The following DIAPH2 variants were observed in gnomAD, a reference collection of about 807,000 sequenced individuals.
The protein encoded by DIAPH2 is protein diaphanous homolog 2.
In DIAPH2, 35 loss-of-function variants were observed where a neutral mutation model predicts 92.7. The observed-to-expected ratio is 0.38, with a 90% CI of 0.29 to 0.50. The LOEUF (loss-of-function observed/expected upper bound fraction) is 0.50, where lower values mean the gene tolerates loss of function less well. DIAPH2 is among the 20% of genes least tolerant of loss of function. DIAPH2 has a pLI of 0.94. For synonymous variants in DIAPH2, 301 were observed against 280.4 expected, an observed-to-expected ratio of 1.07 and a Z score of -0.73; for missense variants, 701 against 819.5, an observed-to-expected ratio of 0.86 and a Z score of 1.77.
chrX:97,009,213 G>A (rs2066207093), intron 17 of DIAPH2, among the ~76,000 whole-genome samples: 2 of 111,023 alleles, frequency 1.8e-5, no homozygotes, highest in African/African-American at 6.5e-5. Flanking sequence ...CACCACCCCA[G>A]GCCTGCAGCA....
At chrX:97,228,573 T>C (rs1358969325) in intron 22 of DIAPH2, among the ~76,000 whole-genome samples, 2 of 111,697 alleles carry the variant, frequency 1.8e-5, no homozygotes, top group South Asian at 3.8e-4. Context: ...AATATTCTTC[T>C]AATGGAGAAA....
intron 23 of DIAPH2, among the ~76,000 whole-genome samples, chrX:97,302,048 A>G (rs1237968476): frequency 4.7e-5 from 5 of 106,223 alleles, no homozygotes; most frequent in Non-Finnish European, 7.7e-5. Context: ...CCCCATCTCT[A>G]CTAAAAATAC....
intron 4 of DIAPH2, among the ~76,000 whole-genome samples, chrX:96,843,881 T>C (rs1263224405): frequency 1.8e-5 from 2 of 111,741 alleles, no homozygotes; most frequent in Non-Finnish European, 3.8e-5. Context: ...TGAAAGCTTT[T>C]AGTAATTAGC....
chrX:96,884,815 G>T, intron 5 of DIAPH2: 1 of 1,211,288 alleles, frequency 8.3e-7, no homozygotes, highest in Non-Finnish European at 1.1e-6. Context: ...CATGATGCTG[G>T]ATAAAGCCCG....
chrX:96,918,426 A>G, intron 8 of DIAPH2, 83 bp from the exon 9 acceptor site: 1 of 570,114 alleles, frequency 1.8e-6, no homozygotes, highest in African/African-American at 2.3e-5. Context: ...CAGAAAGAAA[A>G]CAGGGAATAC....
intron 4 of DIAPH2, among the ~76,000 whole-genome samples, chrX:96,850,148 G>A (rs2064998133): frequency 9.0e-6 from 1 of 111,028 alleles, no homozygotes; most frequent in Non-Finnish European, 1.9e-5. Flanking sequence ...AAACCCCACT[G>A]GACCAAATCC....
At chrX:97,529,702 A>C (rs2071047185) in intron 26 of DIAPH2, among the ~76,000 whole-genome samples, 1 of 112,187 alleles carries the variant, frequency 8.9e-6, no homozygotes, top group Non-Finnish European at 1.9e-5. Flanking sequence ...CTAAACTGAT[A>C]TAGAAAGATG....
In DIAPH2 at chrX:97,600,598, A is replaced by ATACTT. The variant is rs1367174495; in HGVS notation, c.*1282_*1286dup. 3.6e-5 allele frequency: 4 copies of ATACTT among 112,560 alleles called. No individual in the cohort carries two copies. Among genetic ancestry groups the ATACTT allele is most frequent in the Non-Finnish European group, 5.6e-5 (3 of 53,269 alleles). 9.3% of individuals were successfully genotyped at this position (112,560 alleles called of 1,213,427 possible). ...TTAAATAAATTAGGGAGTAAAAGTT[A>ATACTT]TACTTAACTTGTCTGTCTATTATTT... On this transcript the variant is annotated 3_prime_UTR_variant, in exon 27 of 27. Transcript: ENST00000324765.
At chrX:97,354,883 AAG>A (rs945404480) in intron 24 of DIAPH2, among the ~76,000 whole-genome samples, 4 of 112,368 alleles carry the variant, frequency 3.6e-5, no homozygotes, top group African/African-American at 9.7e-5. Context: ...TCTCAGAACA[AAG>A]AGAAACTTTG....
intron 22 of DIAPH2, among the ~76,000 whole-genome samples, chrX:97,246,737 T>C (rs950708684): frequency 8.9e-6 from 1 of 112,321 alleles, no homozygotes; most frequent in Non-Finnish European, 1.9e-5. Flanking sequence ...AGAATCATAG[T>C]ATTTTTCTAT....
chrX:96,796,234 C>T (rs1221762367), intron 4 of DIAPH2, among the ~76,000 whole-genome samples: 1 of 111,543 alleles, frequency 9.0e-6, no homozygotes, highest in African/African-American at 3.3e-5. Flanking sequence ...GGCTGGAGTG[C>T]AGTGGCGTGA....
intron 26 of DIAPH2, among the ~76,000 whole-genome samples, chrX:97,541,248 A>G (rs2071138256): frequency 8.9e-6 from 1 of 111,850 alleles, no homozygotes; most frequent in African/African-American, 3.3e-5. Flanking sequence ...ACATTTAGCA[A>G]GGGTCCCAAT....
intron 5 of DIAPH2, among the ~76,000 whole-genome samples, chrX:96,902,614 A>C (rs759621154): frequency 9.0e-6 from 1 of 111,426 alleles, no homozygotes; most frequent in African/African-American, 3.3e-5. Context: ...CAGTGTATGC[A>C]TGTGTCAAAA....
chrX:96,922,215 G>A (rs1046663050), intron 9 of DIAPH2, among the ~76,000 whole-genome samples: 11 of 111,098 alleles, frequency 9.9e-5, no homozygotes, highest in East Asian at 2.8e-4. Flanking sequence ...TATAGATAAC[G>A]TGCTTTAACT....
rs534998020 is a variant in DIAPH2, at chrX:97,218,032, C to G, written c.2720-29683C>G. On this transcript the variant is annotated intron_variant, in intron 22 of 26. Coordinates refer to ENST00000324765, the MANE Select transcript of DIAPH2 (RefSeq NM_006729.5). ...TCTTAAAATTTAAAGCCAAGACATG[C>G]TCTAGGAATACAAAGAAGAGAACTC... Among the ~76,000 whole-genome samples the G allele has an allele frequency of 5.4e-5, 6 of 110,782 alleles. No individual in the cohort carries two copies. The South Asian group carries it at 2.3e-3, about 42-fold the overall frequency.
intron 26 of DIAPH2, among the ~76,000 whole-genome samples, chrX:97,485,972 C>T (rs2070685075): frequency 9.3e-6 from 1 of 107,890 alleles, no homozygotes; most frequent in African/African-American, 3.4e-5. Context: ...TTATAACACT[C>T]CCTTCCTTTA....
chrX:97,354,119 A>G (rs1468413877), intron 24 of DIAPH2, among the ~76,000 whole-genome samples: 4 of 110,620 alleles, frequency 3.6e-5, no homozygotes, highest in Non-Finnish European at 5.7e-5. Flanking sequence ...CTGACCCTAG[A>G]TAACTTTTGA....
intron 17 of DIAPH2, among the ~76,000 whole-genome samples, chrX:97,064,531 A>G (rs1210519035): frequency 1.8e-5 from 2 of 110,100 alleles, no homozygotes; most frequent in Non-Finnish European, 3.8e-5. Context: ...CCATTGTTCC[A>G]TCTCTCGTCT....
At chrX:97,504,713 C>T (rs1184382820) in intron 26 of DIAPH2, among the ~76,000 whole-genome samples, 1 of 112,328 alleles carries the variant, frequency 8.9e-6, no homozygotes, top group East Asian at 2.8e-4. Context: ...ATTACTTGGT[C>T]AGTTTCTGTG....
Sources: allele counts gnomAD v4.1 joint callset (sites outside exome capture counted in the v4.1 genomes callset), GRCh38; gene constraint gnomAD v4.1.1; transcripts MANE v1.5; gene names NCBI Gene and HGNC (gene_info 2026-07-23, HGNC 2026-07-21).